OPA3: variants seen among roughly 807,000 people sequenced by gnomAD.
The protein encoded by OPA3 is outer mitochondrial membrane lipid metabolism regulator OPA3, also known as optic atrophy 3 protein.
A neutral mutation model predicts 4.0 loss-of-function variants in OPA3; 6 were observed. The ratio of observed to expected loss-of-function variants is 1.51; its 90% CI spans 0.83 to 2.99. The LOEUF is 2.99. OPA3 is among the 30% of genes most tolerant of loss of function. The probability of loss-of-function intolerance (pLI) is 0.00; values close to 1 mark genes in which losing one functional copy is unlikely to be tolerated. For synonymous variants in OPA3, 105 were observed against 117.1 expected (o/e 0.90, Z 0.67); for missense variants, 235 against 256.2 (o/e 0.92, Z 0.56).
At chr19:45,559,488 G>A (rs1264225) in intron 1 of OPA3, among the ~76,000 whole-genome samples, 103,134 of 145,436 alleles carry the variant, frequency 0.71, 36,623 homozygotes, top group East Asian at 0.87. Context: ...TGCAACCTCC[G>A]CTTCCCGGGT....
Position 45,548,652 on chromosome 19 carries a change from AT to A in OPA3, c.*4861del, listed in dbSNP as rs1193941925. 41 of 818,544 alleles carry A rather than the reference AT, an allele frequency of 5.0e-5. No individual in the cohort carries two copies. The highest frequency in any genetic ancestry group is 5.5e-5 in the Non-Finnish European group (40 of 723,414). The allele number at this position is 818,544 out of a possible 1,614,324, so 50.7% of individuals were successfully genotyped here. Reference sequence around the variant, plus strand: ...GGTAACTCAGTGAGTTTTGTGTTTTATTTTTTTTATTTTTTTTTTTTTTGCG... The same window carrying A: ...GGTAACTCAGTGAGTTTTGTGTTTTATTTTTTTATTTTTTTTTTTTTTGCG... On this transcript the variant is annotated 3_prime_UTR_variant, in exon 2 of 2. Coordinates refer to ENST00000263275, the MANE Select transcript of OPA3 (RefSeq NM_025136.4).
At chr19:45,565,644 T>G (rs1969572072) in intron 1 of OPA3, among the ~76,000 whole-genome samples, 1 of 152,078 alleles carries the variant, frequency 6.6e-6, no homozygotes. Context: ...TTAGTCTAAT[T>G]ACGGCTAATT....
At position 45,553,756 on chromosome 19, in the gene OPA3, C is replaced by A. The variant is rs1489856075; in HGVS notation, c.298G>T (p.Glu100Ter). Residue 100 changes from glutamate to a stop codon, truncating the protein, a stop_gained, in exon 2 of 2, where the codon GAG becomes TAG. Transcript: ENST00000263275. LOFTEE classifies it low-confidence loss of function (END_TRUNC). ...TGCTGCGCCTGGTGGCGCCAGTACT[C>A]CAGCACTAGGCAGCCGCCGCCCACG... ...FIVGGGCLVLEYWRHQAQQRH... is the reference protein window; with the variant it reads ...FIVGGGCLVL The A allele has an allele frequency of 1.2e-6, 2 of 1,612,432 alleles. No individual in the cohort carries two copies. The highest frequency in any genetic ancestry group is 3.3e-5 in the Admixed American group (2 of 59,976).
chr19:45,544,795 AAAAT>A (rs200192671), downstream of OPA3, among the ~76,000 whole-genome samples: 1,349 of 140,708 alleles, frequency 9.6e-3, 18 homozygotes, highest in African/African-American at 0.034. Context: ...ACTCCGTCTC[AAAAT>A]AAATAAATAA....
At chr19:45,538,034 C>T (rs1011514713) in intron 1 of OPA3, among the ~76,000 whole-genome samples, 7 of 132,592 alleles carry the variant, frequency 5.3e-5, no homozygotes, top group African/African-American at 2.1e-4. Flanking sequence ...GTGCAGGTTG[C>T]AGGTTGCAGT....
chr19:45,570,834 G>T (rs1969651783), intron 1 of OPA3, among the ~76,000 whole-genome samples: 1 of 149,756 alleles, frequency 6.7e-6, no homozygotes, highest in Non-Finnish European at 1.5e-5. Flanking sequence ...CTACTCTCCA[G>T]CCTGGGCGAC....
intron 1 of OPA3, chr19:45,584,337 C>G: frequency 1.0e-6 from 1 of 985,408 alleles, no homozygotes; most frequent in Non-Finnish European, 1.2e-6. Context: ...TCTCCCATCT[C>G]TCACACTATT....
At chr19:45,584,599 G>C (rs778382919) in intron 1 of OPA3, 24 bp downstream of exon 1, 1 of 1,614,176 alleles carries the variant, frequency 6.2e-7, no homozygotes, top group South Asian at 1.1e-5. Context: ...GAAAAAGGTT[G>C]GAGGGAATTC....
At chr19:45,539,720 C>T (rs1969161515) in intron 1 of OPA3, among the ~76,000 whole-genome samples, 1 of 151,186 alleles carries the variant, frequency 6.6e-6, no homozygotes, top group Admixed American at 6.6e-5. Context: ...CGTCACTGCA[C>T]TCCAGCCTGG....
intron 1 of OPA3, among the ~76,000 whole-genome samples, chr19:45,579,997 T>TC (rs1969823430): frequency 9.2e-6 from 1 of 108,244 alleles, no homozygotes; most frequent in Admixed American, 9.2e-5. Context: ...TTCTTTTTTT[T>TC]TTTCTTTTTT....
chr19:45,527,900 T>C (rs1167799711), exon 2 of OPA3: 2 of 152,230 alleles, frequency 1.3e-5, no homozygotes, highest in Non-Finnish European at 2.9e-5. Context: ...CCTGGTGGAA[T>C]ACCCCGCTTG....
rs1395338640 is a variant in OPA3 at position 45,559,394 on chromosome 19, TTTC to T, written c.143-5486_143-5484del. On this transcript the variant is annotated intron_variant, in intron 1 of 1. Transcript: ENST00000263275. Reference sequence around the variant, plus strand: ...TCTCTCTCTTCTTTCCCTCTTTTTCTTTCTTTTTTTTTTTTTTTTTTTTTTGAG... The same window carrying T: ...TCTCTCTCTTCTTTCCCTCTTTTTCTTTTTTTTTTTTTTTTTTTTTTTGAG... 2.9e-3 allele frequency among the ~76,000 whole-genome samples: 163 copies of T among 55,764 alleles called. 11 individuals are homozygous for T. Among genetic ancestry groups the T allele is most frequent in the African/African-American group, 0.013 (152 of 12,120 alleles). The allele number at this position is 55,764 out of a possible 152,430, so 36.6% of individuals were successfully genotyped here.
At chr19:45,577,511 G>A (rs1018938968) in intron 1 of OPA3, among the ~76,000 whole-genome samples, 1 of 152,140 alleles carries the variant, frequency 6.6e-6, no homozygotes, top group Admixed American at 6.6e-5. Context: ...TCTCCAACTC[G>A]ACCTGTCCCT....
At chr19:45,557,837 A>G (rs889782939) in intron 1 of OPA3, among the ~76,000 whole-genome samples, 37 of 152,166 alleles carry the variant, frequency 2.4e-4, no homozygotes, top group Admixed American at 2.4e-3. Context: ...AAGCCTCACA[A>G]GGGTGGGGCC....
In OPA3 at chr19:45,550,411, G is replaced by C; in HGVS notation, c.*3103C>G. The C allele has an allele frequency of 1.0e-6, 1 of 985,764 alleles. No individual in the cohort carries two copies. Among genetic ancestry groups the C allele is most frequent in the South Asian group, 4.7e-5 (1 of 21,282 alleles). 61.1% of individuals were successfully genotyped at this position (985,764 alleles called of 1,614,324 possible). On this transcript the variant is annotated 3_prime_UTR_variant, in exon 2 of 2. Transcript: ENST00000263275. ...GTGTGATCTGGGGCTGCTCTGAGAG[G>C]GGATAGAGAGGGTCTCCCACTATCA...
At chr19:45,544,667 A>G (rs1969224652), downstream of OPA3, among the ~76,000 whole-genome samples, 1 of 152,030 alleles carries the variant, frequency 6.6e-6, no homozygotes, top group African/African-American at 2.4e-5. Context: ...GGTGGCACAC[A>G]CCTGTGATCC....
At chr19:45,576,315 G>C (rs1969766555) in intron 1 of OPA3, among the ~76,000 whole-genome samples, 1 of 152,164 alleles carries the variant, frequency 6.6e-6, no homozygotes, top group Non-Finnish European at 1.5e-5. Flanking sequence ...TGGATCACCT[G>C]AGGTCAGGAG....
rs1969378628 is a variant in OPA3, at chr19:45,553,798, C to T, written c.256G>A (p.Glu86Lys). The T allele has an allele frequency of 1.2e-6, 2 of 1,613,242 alleles. No individual in the cohort carries two copies. The highest frequency in any genetic ancestry group is 1.7e-6 in the Non-Finnish European group (2 of 1,179,822). ...AAELGAELLG[E>K]ATIFIVGGGC... ...CCGCCCACGATGAAGATGGTGGCTT[C>T]GCCCAGCAGCTCTGCGCCCAGCTCA... Residue 86 changes from glutamate (E) to lysine (K), a missense_variant, in exon 2 of 2, where the codon GAA (glutamate) becomes AAA (lysine). By Grantham distance (56) the Glu-to-Lys change is moderately conservative (BLOSUM62 1). Coordinates refer to ENST00000263275, the MANE Select transcript of OPA3 (RefSeq NM_025136.4).
Position 45,548,014 on chromosome 19 carries a change from T to A in OPA3, c.*5500A>T. On this transcript the variant is annotated 3_prime_UTR_variant, in exon 2 of 2. Transcript: ENST00000263275. ...GCCTGGCCACTCTTTCCTTCTTTATTGCCGGTCTCTGGCACTAGAATGTCA... is the reference window on the plus strand; with the variant it reads ...GCCTGGCCACTCTTTCCTTCTTTATAGCCGGTCTCTGGCACTAGAATGTCA... 1.5e-6 allele frequency: 1 copy of A among 660,814 alleles called. No homozygotes were observed. The allele number at this position is 660,814 out of a possible 1,614,324, so 40.9% of individuals were successfully genotyped here.
Sources: allele counts gnomAD v4.1 joint callset (sites outside exome capture counted in the v4.1 genomes callset), GRCh38; gene constraint gnomAD v4.1.1; transcripts MANE v1.5; gene names NCBI Gene and HGNC (gene_info 2026-07-23, HGNC 2026-07-21).